The following FBXL13 variants were observed in gnomAD, a reference collection of about 807,000 sequenced individuals.
FBXL13 encodes F-box and leucine rich repeat protein 13.
FBXL13 carries 67 observed loss-of-function variants against 83.6 expected under a neutral mutation model. The ratio of observed to expected loss-of-function variants is 0.80; its 90% CI spans 0.66 to 0.98. The LOEUF (loss-of-function observed/expected upper bound fraction) is 0.98, where lower values mean the gene tolerates loss of function less well. Ranked by LOEUF, FBXL13 falls within the 50% of genes least tolerant of loss-of-function variation. The pLI is 0.00. For synonymous variants in FBXL13, 272 were observed against 299.5 expected, an observed-to-expected ratio of 0.91 and a Z score of 0.95; for missense variants, 822 against 866.5, an observed-to-expected ratio of 0.95 and a Z score of 0.64.
At chr7:102,856,864 A>C (rs765648081) in intron 16 of FBXL13, among the ~76,000 whole-genome samples, 3 of 152,226 alleles carry the variant, frequency 2.0e-5, no homozygotes, top group Admixed American at 6.5e-5. Context: ...TAGAGTTATA[A>C]TATGACCCAG....
intron 8 of FBXL13, among the ~76,000 whole-genome samples, chr7:102,946,081 C>T (rs572485027): frequency 1.3e-5 from 2 of 152,266 alleles, no homozygotes; most frequent in East Asian, 3.9e-4. Context: ...GAGGTTTCAC[C>T]ATGTTGGTCA....
At chr7:102,996,093 G>C (rs1789754512) in intron 6 of FBXL13, among the ~76,000 whole-genome samples, 1 of 152,196 alleles carries the variant, frequency 6.6e-6, no homozygotes, top group African/African-American at 2.4e-5. Context: ...GTAAACAGTT[G>C]AGACTGGATT....
At chr7:103,043,541 C>T (rs565524656) in intron 2 of FBXL13, among the ~76,000 whole-genome samples, 2 of 152,318 alleles carry the variant, frequency 1.3e-5, no homozygotes, top group Non-Finnish European at 2.9e-5. Context: ...TTTATTATGG[C>T]ACCTCCGTCG....
chr7:102,917,408 C>T (rs751178136), intron 10 of FBXL13, among the ~76,000 whole-genome samples: 2 of 152,042 alleles, frequency 1.3e-5, no homozygotes, highest in Non-Finnish European at 2.9e-5. Flanking sequence ...CACTGTATGC[C>T]CAGAACACCT....
intron 6 of FBXL13, among the ~76,000 whole-genome samples, chr7:102,985,949 A>T (rs1427208108): frequency 6.6e-6 from 1 of 152,162 alleles, no homozygotes; most frequent in East Asian, 1.9e-4. Context: ...AGCATGTGTG[A>T]ACAGTGCCTA....
chr7:102,944,091 C>T (rs1821984606), intron 8 of FBXL13: 1 of 769,398 alleles, frequency 1.3e-6, no homozygotes, highest in Non-Finnish European at 2.0e-6. Context: ...GAAAAGAAAT[C>T]TCTTTATTTT....
chr7:103,006,734 G>A (rs1468141909), intron 6 of FBXL13, among the ~76,000 whole-genome samples: 1 of 151,912 alleles, frequency 6.6e-6, no homozygotes, highest in Non-Finnish European at 1.5e-5. Flanking sequence ...AAAGAAGCAG[G>A]AAAACGTGAC....
chr7:102,893,360 C>T (rs1398743105), intron 11 of FBXL13, among the ~76,000 whole-genome samples: 1 of 152,100 alleles, frequency 6.6e-6, no homozygotes, highest in African/African-American at 2.4e-5. Flanking sequence ...GGTTATTTAG[C>T]CCAGCCTAGC....
intron 11 of FBXL13, among the ~76,000 whole-genome samples, chr7:102,895,584 C>T (rs928086986): frequency 1.3e-5 from 2 of 152,174 alleles, no homozygotes; most frequent in Non-Finnish European, 2.9e-5. Context: ...TCTGGTTGTT[C>T]CATGCCTGGC....
chr7:102,822,078 G>A (rs1306108384), exon 19 of FBXL13: 3 of 1,614,200 alleles, frequency 1.9e-6, no homozygotes, highest in South Asian at 2.2e-5. Context: ...TAAGGATCCG[G>A]AGTTGTTTGC....
chr7:102,859,754 T>C (rs1806539722), intron 16 of FBXL13, among the ~76,000 whole-genome samples: 1 of 152,202 alleles, frequency 6.6e-6, no homozygotes, highest in Admixed American at 6.5e-5. Context: ...GTCTCCCTCA[T>C]AAGTCAGCCA....
intron 17 of FBXL13, among the ~76,000 whole-genome samples, chr7:102,839,528 T>C (rs1309581328): frequency 1.3e-5 from 2 of 152,188 alleles, no homozygotes; most frequent in African/African-American, 4.8e-5. Context: ...TCTTGGCTCA[T>C]TGCAACCTCC....
At chr7:102,909,982 A>G (rs1029864290) in intron 11 of FBXL13, among the ~76,000 whole-genome samples, 1 of 152,132 alleles carries the variant, frequency 6.6e-6, no homozygotes, top group African/African-American at 2.4e-5. Context: ...TACAGTCCTT[A>G]TGGCCTAGAC....
chr7:102,881,610 T>G (rs1450356525), intron 14 of FBXL13, among the ~76,000 whole-genome samples: 2 of 151,962 alleles, frequency 1.3e-5, no homozygotes, highest in African/African-American at 4.8e-5. Context: ...ATCATTACTA[T>G]GTAACAAATT....
chr7:102,824,574 C>T (rs1799288213), intron 18 of FBXL13, among the ~76,000 whole-genome samples: 1 of 152,078 alleles, frequency 6.6e-6, no homozygotes, highest in Non-Finnish European at 1.5e-5. Flanking sequence ...CAACCTCTGC[C>T]TCCCAGGTTC....
rs77408781 is a variant in FBXL13, at chr7:102,854,537, A to T, written c.1719+240T>A. ...AAAGTATAATTAAAAAATAGTAAAT[A>T]TTTAGCTACATTTTAATACTTTACA... On this transcript the variant is annotated intron_variant, in intron 17 of 19. Transcript: ENST00000313221. 0.014 allele frequency among the ~76,000 whole-genome samples: 2,132 copies of T among 152,280 alleles called. 118 individuals carry two copies. The East Asian group carries it at 0.16, about 11-fold the overall frequency.
chr7:102,938,641 G>T (rs1346981072), intron 8 of FBXL13, among the ~76,000 whole-genome samples: 1 of 152,066 alleles, frequency 6.6e-6, no homozygotes. Flanking sequence ...AGAAATAGGG[G>T]CATTGATCAA....
chr7:102,821,858 T>C (rs1335247820), intron 19 of FBXL13, among the ~76,000 whole-genome samples, 182 bp downstream of exon 20: 2 of 152,148 alleles, frequency 1.3e-5, no homozygotes, highest in South Asian at 2.1e-4. Flanking sequence ...GGAAAAGGGA[T>C]AGGAAACCAC....
chr7:103,002,384 A>G (rs1394756333), intron 6 of FBXL13, among the ~76,000 whole-genome samples: 3 of 152,142 alleles, frequency 2.0e-5, no homozygotes, highest in African/African-American at 7.2e-5. Flanking sequence ...AAGTTGCTAT[A>G]GTTATTATTT....
Sources: gnomAD v4.1 joint callset for allele counts (sites outside exome capture counted in the v4.1 genomes callset) on GRCh38, gnomAD v4.1.1 for gene constraint, MANE v1.5 for transcripts, NCBI Gene and HGNC (gene_info 2026-07-23, HGNC 2026-07-21) for gene names.